Variants in ASIC2 observed in about 807,000 individuals in gnomAD.
ASIC2 encodes the protein acid sensing ion channel subunit 2.
In ASIC2, 25 loss-of-function variants were observed where a neutral mutation model predicts 57.3. The ratio of observed to expected loss-of-function variants is 0.44; its 90% CI spans 0.32 to 0.61. The LOEUF (loss-of-function observed/expected upper bound fraction) is 0.61. Among genes scored for constraint, ASIC2 ranks in the 20% least tolerant of loss-of-function variants. The probability of loss-of-function intolerance (pLI) is 0.06; values close to 1 mark genes in which losing one functional copy is unlikely to be tolerated. For missense variants in ASIC2, 641 were observed against 738.1 expected (o/e 0.87, Z 1.52); for synonymous variants, 319 against 307.5 (o/e 1.04, Z -0.39).
At chr17:33,020,492 G>A (rs1022088328) in intron 7 of ASIC2, among the ~76,000 whole-genome samples, 4 of 152,154 alleles carry the variant, frequency 2.6e-5, no homozygotes, top group African/African-American at 9.7e-5. Context: ...TCTTGAGAGT[G>A]AGTGGGAGCT....
At chr17:33,579,290 A>T (rs2141997868) in intron 1 of ASIC2, among the ~76,000 whole-genome samples, 1 of 150,738 alleles carries the variant, frequency 6.6e-6, no homozygotes, top group South Asian at 2.1e-4. Flanking sequence ...GTGTCTCAAA[A>T]AAAAAAAAAA....
intron 3 of ASIC2, among the ~76,000 whole-genome samples, chr17:33,044,305 ACCAT>A (rs1308167722): frequency 3.6e-5 from 5 of 139,292 alleles, no homozygotes; most frequent in Non-Finnish European, 8.0e-5. Flanking sequence ...CATCCATCCA[ACCAT>A]CCATCCATCC....
intron 1 of ASIC2, among the ~76,000 whole-genome samples, chr17:33,364,631 C>G (rs976842568): frequency 2.0e-5 from 3 of 152,148 alleles, no homozygotes; most frequent in Admixed American, 6.5e-5. Flanking sequence ...GTGCTTGCTT[C>G]CTCTCTGCCT....
At chr17:33,656,228 T>C (rs1907071806) in intron 1 of ASIC2, among the ~76,000 whole-genome samples, 1 of 151,800 alleles carries the variant, frequency 6.6e-6, no homozygotes, top group Admixed American at 6.6e-5. Flanking sequence ...AAGATAAAGG[T>C]TAAGTAAAGA....
chr17:34,148,099 C>A (rs577955595), intron 1 of ASIC2, among the ~76,000 whole-genome samples: 2 of 152,266 alleles, frequency 1.3e-5, no homozygotes, highest in East Asian at 1.9e-4. Flanking sequence ...GGAAAGGAAC[C>A]AACACCCCAG....
At chr17:33,641,257 G>A (rs1033207785) in intron 1 of ASIC2, among the ~76,000 whole-genome samples, 1 of 152,100 alleles carries the variant, frequency 6.6e-6, no homozygotes, top group African/African-American at 2.4e-5. Context: ...CTATAGACAG[G>A]GCTGAGAGAG....
At chr17:33,472,582 T>A (rs1431156911) in intron 1 of ASIC2, among the ~76,000 whole-genome samples, 2 of 152,196 alleles carry the variant, frequency 1.3e-5, no homozygotes, top group African/African-American at 2.4e-5. Context: ...CTTAATGAGA[T>A]CCTTTGATCT....
At chr17:33,631,875 A>T (rs894110210) in intron 1 of ASIC2, among the ~76,000 whole-genome samples, 1 of 152,308 alleles carries the variant, frequency 6.6e-6, no homozygotes, top group African/African-American at 2.4e-5. Context: ...GATAAGAAAG[A>T]TAAGAGGGTA....
chr17:33,261,982 C>T (rs1039778735), intron 1 of ASIC2, among the ~76,000 whole-genome samples: 2 of 152,214 alleles, frequency 1.3e-5, no homozygotes, highest in African/African-American at 4.8e-5. Flanking sequence ...TTCTGTAGGG[C>T]TTGGGGCCCG....
At chr17:33,871,120 G>C (rs1597910118) in intron 1 of ASIC2, among the ~76,000 whole-genome samples, 1 of 152,260 alleles carries the variant, frequency 6.6e-6, no homozygotes, top group African/African-American at 2.4e-5. Flanking sequence ...CCTCCTGCAT[G>C]GGCACTGAGC....
intron 1 of ASIC2, among the ~76,000 whole-genome samples, chr17:33,488,084 G>T (rs186433236): frequency 2.0e-5 from 3 of 152,290 alleles, no homozygotes; most frequent in Admixed American, 2.0e-4. Flanking sequence ...GACTAATACA[G>T]TTGTTGTGGA....
At chr17:33,448,017 A>G (rs928537380) in intron 1 of ASIC2, among the ~76,000 whole-genome samples, 32 of 150,870 alleles carry the variant, frequency 2.1e-4, no homozygotes, top group Non-Finnish European at 3.8e-4. Flanking sequence ...ATATTATCAC[A>G]TGTACCCTGA....
chr17:33,182,447 T>G (rs1906022805), intron 1 of ASIC2, among the ~76,000 whole-genome samples: 1 of 152,196 alleles, frequency 6.6e-6, no homozygotes, highest in Non-Finnish European at 1.5e-5. Context: ...ATTATTGTTT[T>G]GTGATCTGAA....
At chr17:33,966,748 C>T (rs1394160150) in intron 1 of ASIC2, among the ~76,000 whole-genome samples, 1 of 152,250 alleles carries the variant, frequency 6.6e-6, no homozygotes, top group African/African-American at 2.4e-5. Context: ...CTTCTGTTCT[C>T]AGATCAGTTC....
chr17:33,231,576 T>C (rs1908092955), intron 1 of ASIC2, among the ~76,000 whole-genome samples: 1 of 152,120 alleles, frequency 6.6e-6, no homozygotes, highest in Admixed American at 6.5e-5. Context: ...ATCCCAGACT[T>C]GATGGGCCCT....
At chr17:33,746,382 C>A (rs1440415056) in intron 1 of ASIC2, among the ~76,000 whole-genome samples, 5 of 135,316 alleles carry the variant, frequency 3.7e-5, no homozygotes, top group South Asian at 2.4e-4. Flanking sequence ...ACATGTATAT[C>A]TACATATATA....
chr17:33,688,306 G>A (rs553899374), intron 1 of ASIC2, among the ~76,000 whole-genome samples: 2 of 152,142 alleles, frequency 1.3e-5, no homozygotes, highest in Non-Finnish European at 2.9e-5. Flanking sequence ...GCCCTGTTGC[G>A]GCCCACTGGT....
chr17:33,194,974 A>G (rs947555689), intron 1 of ASIC2, among the ~76,000 whole-genome samples: 2 of 152,218 alleles, frequency 1.3e-5, no homozygotes, highest in Admixed American at 1.3e-4. Context: ...TGACAGCACC[A>G]AGGCAGAAAT....
chr17:33,346,395 A>T (rs963159324), intron 1 of ASIC2, among the ~76,000 whole-genome samples: 1 of 152,116 alleles, frequency 6.6e-6, no homozygotes, highest in African/African-American at 2.4e-5. Flanking sequence ...ACTTCAAGAT[A>T]TTTAATTTAG....
Sources: allele counts gnomAD v4.1 joint callset (sites outside exome capture counted in the v4.1 genomes callset), GRCh38; gene constraint gnomAD v4.1.1; transcripts MANE v1.5; gene names NCBI Gene and HGNC (gene_info 2026-07-23, HGNC 2026-07-21).